MCU: variants seen among roughly 807,000 people sequenced by gnomAD.
MCU encodes mitochondrial calcium uniporter.
In MCU, 12 loss-of-function variants were observed where a neutral mutation model predicts 45.2. The ratio of observed to expected loss-of-function variants is 0.27; its 90% confidence interval spans 0.17 to 0.43. The LOEUF is 0.43. Ranked by LOEUF, MCU falls within the 20% of genes least tolerant of loss-of-function variation. The probability of loss-of-function intolerance (pLI) is 1.00; values close to 1 mark genes in which losing one functional copy is unlikely to be tolerated. For missense variants in MCU, 324 were observed against 436.7 expected (o/e 0.74, Z 2.30); for synonymous variants, 160 against 165.1 (o/e 0.97, Z 0.24).
intron 1 of MCU, among the ~76,000 whole-genome samples, chr10:72,832,934 A>ATATGTGTGTGTGTGTGTGTGTG: frequency 7.0e-6 from 1 of 143,760 alleles, no homozygotes; most frequent in Non-Finnish European, 1.5e-5. Context: ...ACCAATAGCT[A>ATATGTGTGTGTGTGTGTGTGTG]TGTGTGTGTG....
chr10:72,704,780 TC>T (rs2132653097), intron 1 of MCU, among the ~76,000 whole-genome samples: 1 of 145,980 alleles, frequency 6.9e-6, no homozygotes, highest in African/African-American at 2.5e-5. Context: ...AGTGGCGCGA[TC>T]TCGACTCACT....
intron 2 of MCU, among the ~76,000 whole-genome samples, chr10:72,841,216 G>T (rs905369219): frequency 2.0e-5 from 3 of 152,034 alleles, no homozygotes; most frequent in Non-Finnish European, 4.4e-5. Context: ...CAGGTCTCTT[G>T]TGAAAATTAC....
intron 1 of MCU, among the ~76,000 whole-genome samples, chr10:72,736,166 T>C (rs1391313177): frequency 6.6e-6 from 1 of 152,210 alleles, no homozygotes; most frequent in East Asian, 1.9e-4. Context: ...GATTTGTGTA[T>C]TCATGGACGT....
intron 1 of MCU, among the ~76,000 whole-genome samples, chr10:72,791,582 T>G (rs1387984467): frequency 6.6e-6 from 1 of 152,168 alleles, no homozygotes; most frequent in Non-Finnish European, 1.5e-5. Context: ...CTGAGTTATA[T>G]CGCTTGTGTA....
rs1186023993 is a variant in MCU at position 72,815,356 on chromosome 10, A to G, written c.151-19003A>G. On this transcript the variant is annotated intron_variant, in intron 1 of 7. Transcript: ENST00000373053. ...CTGAAGTAATATTTAGAGGTATAATAGGAGAAAAATTTTTCTGAAATAATT... is the reference window on the plus strand; with the variant it reads ...CTGAAGTAATATTTAGAGGTATAATGGGAGAAAAATTTTTCTGAAATAATT... Among the ~76,000 whole-genome samples, 3 of 152,254 alleles carry G rather than the reference A, an allele frequency of 2.0e-5. No homozygotes were observed. In the South Asian group the frequency reaches 6.2e-4, roughly 31 times the overall value.
chr10:72,740,933 G>C lies in MCU; in HGVS notation c.150+48632G>C, dbSNP rs113556358. 6.1e-3 allele frequency among the ~76,000 whole-genome samples: 922 copies of C among 152,082 alleles called. 7 individuals carry two copies. Among genetic ancestry groups the C allele is most frequent in the African/African-American group, 0.02 (849 of 41,470 alleles). ...TCTAACTGTGTTTAACGTAATATAGGCTTTTCCATTGTATTTTAATAGTTA... is the reference window on the plus strand; with the variant it reads ...TCTAACTGTGTTTAACGTAATATAGCCTTTTCCATTGTATTTTAATAGTTA... On this transcript the variant is annotated intron_variant, in intron 1 of 7. Transcript: ENST00000373053.
chr10:72,861,433 T>C, intron 4 of MCU, among the ~76,000 whole-genome samples: 1 of 151,878 alleles, frequency 6.6e-6, no homozygotes, highest in East Asian at 1.9e-4. Flanking sequence ...GTTTTTTTGT[T>C]TGGGTTTTTT....
intron 1 of MCU, among the ~76,000 whole-genome samples, chr10:72,738,528 G>A (rs1843281574): frequency 2.0e-5 from 3 of 152,192 alleles, no homozygotes; most frequent in African/African-American, 7.2e-5. Context: ...AAGAAATGTT[G>A]AGTGCTGATA....
rs377087234 is a variant in MCU, at chr10:72,692,867, C to T, written c.150+566C>T. ...CAGGAAGGAAAATCAAACTTTATTC[C>T]CCTCTGTGACTTCCTCTGTGTGTGT... On this transcript the variant is annotated intron_variant, in intron 1 of 7. Coordinates refer to ENST00000373053, the MANE Select transcript of MCU (RefSeq NM_138357.3). The T allele has an allele frequency of 1.7e-5, 25 of 1,436,438 alleles. No homozygotes were observed. In the African/African-American group the frequency reaches 2.4e-4, roughly 14 times the overall value. The allele number at this position is 1,436,438 out of a possible 1,614,324, so 89.0% of individuals were successfully genotyped here.
chr10:72,822,899 C>T (rs543481522), intron 1 of MCU, among the ~76,000 whole-genome samples: 5 of 152,240 alleles, frequency 3.3e-5, no homozygotes, highest in African/African-American at 1.2e-4. Context: ...GGAACCCTCA[C>T]TGTAAATGTA....
intron 1 of MCU, among the ~76,000 whole-genome samples, chr10:72,807,892 G>C (rs1844476768): frequency 1.3e-5 from 2 of 152,192 alleles, no homozygotes; most frequent in Non-Finnish European, 2.9e-5. Flanking sequence ...ATTGATTTCT[G>C]TCCAGATTCT....
intron 1 of MCU, among the ~76,000 whole-genome samples, chr10:72,823,103 G>C (rs1370460291): frequency 3.9e-5 from 6 of 152,074 alleles, no homozygotes; most frequent in Admixed American, 2.6e-4. Context: ...CTAAAAAGTG[G>C]AAACAACCCA....
intron 1 of MCU, among the ~76,000 whole-genome samples, chr10:72,799,132 G>T (rs1043460048): frequency 6.6e-6 from 1 of 151,952 alleles, no homozygotes; most frequent in Non-Finnish European, 1.5e-5. Context: ...TCACCATATG[G>T]CCAGGCTGGT....
At chr10:72,856,433 A>C (rs898197835) in intron 2 of MCU, among the ~76,000 whole-genome samples, 2 of 152,196 alleles carry the variant, frequency 1.3e-5, no homozygotes, top group Non-Finnish European at 2.9e-5. Context: ...AAGATTTTGT[A>C]TATAATGTAG....
chr10:72,859,605 T>G (rs745505776), intron 3 of MCU, among the ~76,000 whole-genome samples: 3 of 152,184 alleles, frequency 2.0e-5, no homozygotes, highest in Non-Finnish European at 2.9e-5. Flanking sequence ...TATAATGCCA[T>G]GAGCAAGGAT....
At chr10:72,799,637 A>G (rs968980257) in intron 1 of MCU, among the ~76,000 whole-genome samples, 4 of 152,158 alleles carry the variant, frequency 2.6e-5, no homozygotes, top group Admixed American at 1.3e-4. Context: ...CATTTTTTGT[A>G]AACAGAATTT....
intron 2 of MCU, among the ~76,000 whole-genome samples, chr10:72,849,017 A>G (rs1248377424): frequency 1.3e-5 from 2 of 152,122 alleles, no homozygotes; most frequent in Non-Finnish European, 2.9e-5. Context: ...TTGGTGGCTC[A>G]CACCTGTAAT....
chr10:72,841,946 C>T (rs1197659505), intron 2 of MCU, among the ~76,000 whole-genome samples: 1 of 152,126 alleles, frequency 6.6e-6, no homozygotes, highest in Non-Finnish European at 1.5e-5. Flanking sequence ...GCTTGATTTA[C>T]TTGGGGATAT....
At chr10:72,859,149 CAT>C (rs779703237) in intron 2 of MCU, 26 bp from the exon 3 acceptor site, 48 of 1,533,824 alleles carry the variant, frequency 3.1e-5, no homozygotes, top group Non-Finnish European at 4.0e-5. Flanking sequence ...ATCCAATTAT[CAT>C]ATGTTTGTGG....
Sources: allele counts gnomAD v4.1 joint callset (sites outside exome capture counted in the v4.1 genomes callset), GRCh38; gene constraint gnomAD v4.1.1; transcripts MANE v1.5; gene names NCBI Gene and HGNC (gene_info 2026-07-23, HGNC 2026-07-21).